FHIT: variants seen among roughly 807,000 people sequenced by gnomAD.
The protein encoded by FHIT is bis(5'-adenosyl)-triphosphatase.
In FHIT, 19 loss-of-function variants were observed where a neutral mutation model predicts 17.9. The ratio of observed to expected loss-of-function variants is 1.06; its 90% confidence interval spans 0.74 to 1.56. FHIT has a LOEUF of 1.56. Among genes scored for constraint, FHIT ranks in the 40% most tolerant of loss-of-function variants. FHIT has a pLI of 0.00. For missense variants in FHIT, 248 were observed against 189.2 expected, an observed-to-expected ratio of 1.31 and a Z score of -1.82; for synonymous variants, 81 against 69.7, an observed-to-expected ratio of 1.16 and a Z score of -0.81.
intron 8 of FHIT, among the ~76,000 whole-genome samples, chr3:59,920,371 A>G (rs111388012): frequency 7.4e-4 from 112 of 152,352 alleles, no homozygotes; most frequent in African/African-American, 2.5e-3. Flanking sequence ...AAACTCTCAC[A>G]GTAATTACTT....
At chr3:60,859,635 G>C (rs964448085) in intron 3 of FHIT, among the ~76,000 whole-genome samples, 4 of 149,262 alleles carry the variant, frequency 2.7e-5, no homozygotes, top group Non-Finnish European at 1.5e-5. Context: ...AGAATTTAGA[G>C]CTACAGGATG....
intron 5 of FHIT, among the ~76,000 whole-genome samples, chr3:60,473,471 GA>G (rs1481971231): frequency 6.6e-6 from 1 of 152,150 alleles, no homozygotes; most frequent in African/African-American, 2.4e-5. Context: ...AATACAATGT[GA>G]AGAGACAACC....
At chr3:60,474,825 G>T (rs1458297454) in intron 5 of FHIT, among the ~76,000 whole-genome samples, 1 of 152,010 alleles carries the variant, frequency 6.6e-6, no homozygotes, top group East Asian at 1.9e-4. Flanking sequence ...GTTTCTCCAT[G>T]TTGCTCAGGC....
rs1708184954 is a variant in FHIT at position 60,295,914 on chromosome 3, C to T, written c.103+240946G>A. On this transcript the variant is annotated intron_variant, in intron 5 of 9. Coordinates refer to ENST00000492590, the MANE Select transcript of FHIT (RefSeq NM_002012.4). ...CTTGAATTGTAGCTCCCATGATTCC[C>T]ACGTGTTGTGGGAGGGACCAGGTGG... is the stretch of plus-strand genomic sequence containing the variant. Among the ~76,000 whole-genome samples, 3 of 152,090 alleles carry T rather than the reference C, an allele frequency of 2.0e-5. No individual in the cohort carries two copies. In the South Asian group the frequency reaches 6.2e-4, roughly 31 times the overall value.
At chr3:59,956,001 C>G (rs368634613) in intron 7 of FHIT, among the ~76,000 whole-genome samples, 48 of 152,278 alleles carry the variant, frequency 3.2e-4, no homozygotes, top group African/African-American at 6.3e-4. Flanking sequence ...AAGGATGAAA[C>G]CTGAAATACT....
At chr3:61,047,520 T>C (rs896272911) in intron 2 of FHIT, among the ~76,000 whole-genome samples, 2 of 152,154 alleles carry the variant, frequency 1.3e-5, no homozygotes, top group Admixed American at 6.5e-5. Flanking sequence ...TGCTCATGGA[T>C]AGGAAGAATC....
intron 5 of FHIT, among the ~76,000 whole-genome samples, chr3:60,494,469 ACAAT>A (rs147153481): frequency 0.035 from 5,283 of 152,182 alleles, 288 homozygotes; most frequent in African/African-American, 0.12. Context: ...TGTGTTACAA[ACAAT>A]CAAATTATAC....
intron 4 of FHIT, among the ~76,000 whole-genome samples, chr3:60,603,964 T>C (rs1424607468): frequency 5.3e-5 from 8 of 152,068 alleles, no homozygotes; most frequent in African/African-American, 1.7e-4. Flanking sequence ...AACTATAAGG[T>C]AATAATAATA....
chr3:59,927,566 G>A (rs576091750), intron 7 of FHIT, among the ~76,000 whole-genome samples: 2 of 151,844 alleles, frequency 1.3e-5, no homozygotes, highest in African/African-American at 4.8e-5. Context: ...AGGAGTTCGA[G>A]ACCAGTCTGA....
At chr3:59,767,448 G>A (rs771962580) in intron 8 of FHIT, among the ~76,000 whole-genome samples, 31 of 152,104 alleles carry the variant, frequency 2.0e-4, no homozygotes, top group Non-Finnish European at 3.8e-4. Flanking sequence ...GCAGTGAGCC[G>A]AGATTGTATC....
chr3:60,618,693 T>A (rs566511853), intron 4 of FHIT, among the ~76,000 whole-genome samples: 1 of 152,284 alleles, frequency 6.6e-6, no homozygotes, highest in African/African-American at 2.4e-5. Context: ...TTTGCAAATG[T>A]GATTAAGTTG....
intron 7 of FHIT, among the ~76,000 whole-genome samples, chr3:60,002,347 G>C (rs1575856829): frequency 6.6e-6 from 1 of 152,050 alleles, no homozygotes; most frequent in African/African-American, 2.4e-5. Flanking sequence ...TGAGGTTTTG[G>C]ATTAATCTGA....
chr3:60,710,383 C>G (rs2041491278), intron 4 of FHIT, among the ~76,000 whole-genome samples: 1 of 152,168 alleles, frequency 6.6e-6, no homozygotes, highest in Non-Finnish European at 1.5e-5. Flanking sequence ...ATCTGAGGTA[C>G]CCGGTTCATC....
chr3:60,238,995 T>C (rs1704965735), intron 5 of FHIT, among the ~76,000 whole-genome samples: 1 of 152,162 alleles, frequency 6.6e-6, no homozygotes, highest in Non-Finnish European at 1.5e-5. Flanking sequence ...AAGAAAATAT[T>C]TAGGAACATC....
intron 4 of FHIT, among the ~76,000 whole-genome samples, chr3:60,649,916 T>C (rs966175096): frequency 6.6e-6 from 1 of 152,194 alleles, no homozygotes; most frequent in African/African-American, 2.4e-5. Flanking sequence ...AGGCTCTCAC[T>C]GCACAAAGCA....
At chr3:59,760,310 G>A (rs1264314208) in intron 8 of FHIT, among the ~76,000 whole-genome samples, 1 of 152,066 alleles carries the variant, frequency 6.6e-6, no homozygotes, top group Non-Finnish European at 1.5e-5. Context: ...TCACAGTGCT[G>A]GAAAATAATT....
intron 3 of FHIT, among the ~76,000 whole-genome samples, chr3:60,877,633 T>G (rs1303543637): frequency 6.6e-6 from 1 of 152,174 alleles, no homozygotes; most frequent in African/African-American, 2.4e-5. Flanking sequence ...ACATTGCCCC[T>G]TGGGGAATCA....
intron 4 of FHIT, among the ~76,000 whole-genome samples, chr3:60,698,071 A>G (rs1054180461): frequency 6.6e-6 from 1 of 152,186 alleles, no homozygotes; most frequent in Non-Finnish European, 1.5e-5. Flanking sequence ...GCTTTAAAAA[A>G]TATCCTGAAT....
At chr3:61,077,593 G>C (rs1237642009) in intron 2 of FHIT, among the ~76,000 whole-genome samples, 1 of 152,192 alleles carries the variant, frequency 6.6e-6, no homozygotes, top group South Asian at 2.1e-4. Flanking sequence ...AATCCTAAGT[G>C]TTTACACCTA....
Sources: allele counts gnomAD v4.1 joint callset (sites outside exome capture counted in the v4.1 genomes callset), GRCh38; gene constraint gnomAD v4.1.1; transcripts MANE v1.5; gene names NCBI Gene and HGNC (gene_info 2026-07-23, HGNC 2026-07-21).